PDE3A: variants seen among roughly 807,000 people sequenced by gnomAD.
PDE3A encodes the protein phosphodiesterase 3A.
In PDE3A, 43 loss-of-function variants were observed where a neutral mutation model predicts 98.3. The ratio of observed to expected loss-of-function variants is 0.44; its 90% CI spans 0.34 to 0.56. The LOEUF (loss-of-function observed/expected upper bound fraction) is 0.56, where lower values mean the gene tolerates loss of function less well. PDE3A is among the 20% of genes least tolerant of loss of function. The probability of loss-of-function intolerance (pLI) is 0.01; values close to 1 mark genes in which losing one functional copy is unlikely to be tolerated. For missense variants in PDE3A, 1,427 were observed against 1,440.7 expected (o/e 0.99, Z 0.15); for synonymous variants, 663 against 567.9 (o/e 1.17, Z -2.38).
At chr12:20,476,374 C>A (rs866536091) in intron 1 of PDE3A, among the ~76,000 whole-genome samples, 7 of 151,908 alleles carry the variant, frequency 4.6e-5, no homozygotes, top group Admixed American at 2.0e-4. Flanking sequence ...TTGAGTTTTG[C>A]GGGATATATT....
chr12:20,668,315 A>G (rs1432902052), intron 15 of PDE3A, among the ~76,000 whole-genome samples: 2 of 152,234 alleles, frequency 1.3e-5, no homozygotes, highest in East Asian at 1.9e-4. Context: ...TAAACAAAGC[A>G]GCCAGGAAGC....
At chr12:20,420,966 C>T (rs984883405) in intron 1 of PDE3A, among the ~76,000 whole-genome samples, 9 of 151,994 alleles carry the variant, frequency 5.9e-5, no homozygotes, top group African/African-American at 2.2e-4. Context: ...CCATATTGTC[C>T]CATTTGGCAG....
At chr12:20,625,397 C>A (rs879593524) in intron 5 of PDE3A, among the ~76,000 whole-genome samples, 1 of 151,938 alleles carries the variant, frequency 6.6e-6, no homozygotes, top group Admixed American at 6.6e-5. Context: ...GTTTGGCTGC[C>A]GACTGCAGTG....
chr12:20,416,136 C>A (rs1295935245), intron 1 of PDE3A, among the ~76,000 whole-genome samples: 2 of 152,140 alleles, frequency 1.3e-5, no homozygotes, highest in Non-Finnish European at 2.9e-5. Context: ...ATCCAAAGCA[C>A]AGCATTAACT....
At chr12:20,660,662 G>T (rs1945146245) in intron 15 of PDE3A, among the ~76,000 whole-genome samples, 1 of 152,156 alleles carries the variant, frequency 6.6e-6, no homozygotes, top group Admixed American at 6.5e-5. Context: ...TTAAAAAGAG[G>T]AGTTCCTTTG....
At chr12:20,468,275 C>T (rs1332351275) in intron 1 of PDE3A, among the ~76,000 whole-genome samples, 1 of 152,046 alleles carries the variant, frequency 6.6e-6, no homozygotes, top group South Asian at 2.1e-4. Flanking sequence ...ATACATTTTA[C>T]ATTTGTATGT....
intron 4 of PDE3A, among the ~76,000 whole-genome samples, chr12:20,617,487 T>C (rs933781272): frequency 6.6e-6 from 1 of 152,174 alleles, no homozygotes; most frequent in African/African-American, 2.4e-5. Flanking sequence ...TAGTGTTTCA[T>C]GAAAATTTCC....
Position 20,369,334 on chromosome 12 carries a change from G to C in PDE3A, c.50G>C (p.Ser17Thr). The change falls in exon 1 of 16, where the codon AGT becomes ACT. Residue 17 changes from serine (S) to threonine (T), a missense_variant. Physicochemically the swap from Ser to Thr is moderately conservative, Grantham distance 58. This residue lies in a region of PDE3A where 1,012 missense variants were observed against 886.5 expected (regional missense o/e 1.14). Coordinates refer to ENST00000359062, the MANE Select transcript of PDE3A (RefSeq NM_000921.5). ...AARVRDKPVH[S>T]GVSQAPTAGR... Reference sequence around the variant, plus strand: ...CGAGTCAGGGACAAGCCCGTCCACAGTGGGGTGAGTCAAGCCCCCACGGCG... The same window carrying C: ...CGAGTCAGGGACAAGCCCGTCCACACTGGGGTGAGTCAAGCCCCCACGGCG... 6.5e-7 allele frequency: 1 copy of C among 1,548,220 alleles called. No homozygotes were observed. Among genetic ancestry groups the C allele is most frequent in the Non-Finnish European group, 8.7e-7 (1 of 1,146,040 alleles).
At chr12:20,623,237 G>A (rs77465112) in intron 5 of PDE3A, among the ~76,000 whole-genome samples, 1,951 of 152,104 alleles carry the variant, frequency 0.013, 51 homozygotes, top group African/African-American at 0.043. Context: ...AGAAAAATGA[G>A]TCTAATGTAC....
chr12:20,593,567 T>C (rs1943393318), intron 2 of PDE3A, among the ~76,000 whole-genome samples: 1 of 150,878 alleles, frequency 6.6e-6, no homozygotes, highest in African/African-American at 2.4e-5. Flanking sequence ...AAAATGTCAG[T>C]CTTGCATGTA....
chr12:20,582,980 A>G (rs2121349389), intron 2 of PDE3A, among the ~76,000 whole-genome samples: 1 of 152,318 alleles, frequency 6.6e-6, no homozygotes, highest in East Asian at 1.9e-4. Flanking sequence ...GGAACAATTT[A>G]AAAATTACAG....
intron 1 of PDE3A, among the ~76,000 whole-genome samples, chr12:20,448,249 G>C (rs1188869350): frequency 6.6e-6 from 1 of 152,126 alleles, no homozygotes; most frequent in Non-Finnish European, 1.5e-5. Flanking sequence ...AGACCAGCCT[G>C]GCCAACTTGG....
At chr12:20,512,875 G>T (rs1295845556) in intron 1 of PDE3A, among the ~76,000 whole-genome samples, 2 of 152,044 alleles carry the variant, frequency 1.3e-5, no homozygotes, top group African/African-American at 4.8e-5. Context: ...TATTATTGTG[G>T]TAACACCTAT....
intron 1 of PDE3A, among the ~76,000 whole-genome samples, chr12:20,436,468 G>A (rs951865135): frequency 1.3e-5 from 2 of 152,122 alleles, no homozygotes; most frequent in Admixed American, 1.3e-4. Context: ...GACTTTTATG[G>A]CACTTAAGTC....
chr12:20,655,139 T>C (rs904185067), intron 15 of PDE3A, among the ~76,000 whole-genome samples: 1 of 152,110 alleles, frequency 6.6e-6, no homozygotes, highest in Admixed American at 6.6e-5. Context: ...TTTACTGTAG[T>C]GATAAATGCT....
At chr12:20,669,419 G>A (rs1454204550) in intron 15 of PDE3A, among the ~76,000 whole-genome samples, 2 of 151,488 alleles carry the variant, frequency 1.3e-5, no homozygotes, top group African/African-American at 2.4e-5. Flanking sequence ...AAGTTGAAAT[G>A]AAGGAAAAAA....
Position 20,523,914 on chromosome 12 carries a change from A to G in PDE3A, c.961-32746A>G, listed in dbSNP as rs1946471894. 3.3e-5 allele frequency among the ~76,000 whole-genome samples: 5 copies of G among 152,232 alleles called. No individual in the cohort carries two copies. In the South Asian group the frequency reaches 8.3e-4, roughly 25 times the overall value. On this transcript the variant is annotated intron_variant, in intron 1 of 15. Coordinates refer to ENST00000359062, the MANE Select transcript of PDE3A (RefSeq NM_000921.5). The stretch of plus-strand genomic sequence containing the variant: ...GTTATTTCAATTGCACATACTCTTT[A>G]GGAAGATACAAGTTTATTACTTTAT...
chr12:20,430,559 G>T (rs1007965789), intron 1 of PDE3A, among the ~76,000 whole-genome samples: 1 of 151,944 alleles, frequency 6.6e-6, no homozygotes, highest in Non-Finnish European at 1.5e-5. Flanking sequence ...TGGGGGCAGG[G>T]TGCATTATTT....
At chr12:20,542,809 T>G (rs908990377) in intron 1 of PDE3A, among the ~76,000 whole-genome samples, 2 of 152,004 alleles carry the variant, frequency 1.3e-5, no homozygotes. Flanking sequence ...TGCCAGTGGG[T>G]TCGTCTGAGT....
Sources: gnomAD v4.1 joint callset for allele counts (sites outside exome capture counted in the v4.1 genomes callset) on GRCh38, gnomAD v4.1.1 for gene constraint, gnomAD v4.1.1 regional missense constraint, MANE v1.5 for transcripts, NCBI Gene and HGNC (gene_info 2026-07-23, HGNC 2026-07-21) for gene names.